The following FAM234B variants were observed in gnomAD, a reference collection of about 807,000 sequenced individuals.
FAM234B encodes protein FAM234B.
A neutral mutation model predicts 69.3 loss-of-function variants in FAM234B; 33 were observed. The ratio of observed to expected loss-of-function variants is 0.48; its 90% confidence interval spans 0.36 to 0.64. The LOEUF (loss-of-function observed/expected upper bound fraction) is 0.64. Among genes scored for constraint, FAM234B ranks in the 30% least tolerant of loss-of-function variants. FAM234B has a pLI of 0.00. For missense variants in FAM234B, 697 were observed against 769.7 expected (o/e 0.91, Z 1.12); for synonymous variants, 306 against 306.9 (o/e 1.00, Z 0.03).
rs898809275 is a variant in FAM234B at position 13,082,052 on chromosome 12, G to C, written c.*1422G>C. ...CGGCTCACTGCAACCTTCGCCTCCT[G>C]GGTTCAAGCGATTCTCCAGCCTTAG... On this transcript the variant is annotated 3_prime_UTR_variant, in exon 13 of 13. Coordinates refer to ENST00000197268, the MANE Select transcript of FAM234B (RefSeq NM_020853.2). The C allele has an allele frequency of 6.7e-6, 1 of 150,362 alleles. No individual in the cohort carries two copies. Among genetic ancestry groups the C allele is most frequent in the Non-Finnish European group, 1.5e-5 (1 of 67,882 alleles). The allele number at this position is 150,362 out of a possible 1,614,324, so 9.3% of individuals were successfully genotyped here.
chr12:13,073,395 A>G (rs1865128901), intron 10 of FAM234B, among the ~76,000 whole-genome samples: 1 of 152,144 alleles, frequency 6.6e-6, no homozygotes, highest in African/African-American at 2.4e-5. Context: ...TTTGTTTTAT[A>G]ATTGATGATT....
chr12:13,054,195 A>G (rs1053436498), intron 1 of FAM234B, among the ~76,000 whole-genome samples: 2 of 152,256 alleles, frequency 1.3e-5, no homozygotes, highest in African/African-American at 4.8e-5. Context: ...AGATTAAAGT[A>G]AAGACAGGCA....
At chr12:13,062,642 G>T (rs1423239271) in intron 4 of FAM234B, 4 of 476,906 alleles carry the variant, frequency 8.4e-6, no homozygotes, top group Non-Finnish European at 1.5e-5. Flanking sequence ...GCATGGATTT[G>T]TTTGCCAGAT....
intron 1 of FAM234B, among the ~76,000 whole-genome samples, chr12:13,054,358 G>A (rs1050560234): frequency 2.6e-5 from 4 of 152,184 alleles, no homozygotes; most frequent in African/African-American, 7.2e-5. Context: ...CACAATTTAT[G>A]TTCTTCTGCC....
At chr12:13,079,635 C>T (rs376036923) in intron 11 of FAM234B, among the ~76,000 whole-genome samples, 154 bp from the exon 12 acceptor site, 3 of 152,190 alleles carry the variant, frequency 2.0e-5, no homozygotes, top group Non-Finnish European at 4.4e-5. Context: ...TCTTTGCACC[C>T]GTGGGCTAGC....
chr12:13,074,277 AG>A (rs1865138802), intron 10 of FAM234B, among the ~76,000 whole-genome samples: 2 of 152,228 alleles, frequency 1.3e-5, no homozygotes, highest in South Asian at 4.1e-4. Flanking sequence ...ATAAGTCTCA[AG>A]TGTAGTCTTC....
At position 13,067,161 on chromosome 12, in the gene FAM234B, T is replaced by C. The variant is rs771846702; in HGVS notation, c.1007T>C (p.Ile336Thr). 6.2e-6 allele frequency: 10 copies of C among 1,614,020 alleles called. No homozygotes were observed. In the South Asian group the frequency reaches 6.6e-5, roughly 11 times the overall value. ...AVYILFGFGN[I>T]QAVALRDIFV... ...GGTTCTTCTGTGGTGCTAGGAAATATACAAGCTGTCGCACTGCGGGACATT... is the reference window on the plus strand; with the variant it reads ...GGTTCTTCTGTGGTGCTAGGAAATACACAAGCTGTCGCACTGCGGGACATT... The change falls in exon 7 of 13, where the codon ATA becomes ACA. Residue 336 changes from isoleucine to threonine, a missense_variant. Ile to Thr is a moderately conservative substitution (Grantham distance 89). This residue lies in a region of FAM234B where 380 missense variants were observed against 447.1 expected (regional missense o/e 0.85). Transcript: ENST00000197268. The surrounding 1 kb of genome is among the most constrained non-coding windows in gnomAD (Gnocchi z 4.7).
chr12:13,068,281 C>A, intron 7 of FAM234B, 23 bp from the exon 8 acceptor site: 1 of 1,613,750 alleles, frequency 6.2e-7, no homozygotes, highest in Non-Finnish European at 8.5e-7. Context: ...AGAGACTAAC[C>A]GTTGGGGTCT....
rs1284588392 is a variant in FAM234B at position 13,083,049 on chromosome 12, A to G, written c.*2419A>G. On this transcript the variant is annotated 3_prime_UTR_variant, in exon 13 of 13. Transcript: ENST00000197268. ...GGTGGCTGAAAATTGAGGAAGCTTC[A>G]TCTGACCAATGTGGGTGCTGGTTTC... 6.6e-6 allele frequency: 1 copy of G among 152,140 alleles called. No homozygotes were observed. The highest frequency in any genetic ancestry group is 1.5e-5 in the Non-Finnish European group (1 of 68,036). 9.4% of individuals were successfully genotyped at this position (152,140 alleles called of 1,614,324 possible).
intron 11 of FAM234B, among the ~76,000 whole-genome samples, chr12:13,077,831 C>A (rs1865178910): frequency 6.6e-6 from 1 of 152,024 alleles, no homozygotes; most frequent in Non-Finnish European, 1.5e-5. Flanking sequence ...GTTCTAGATC[C>A]CTGAGGAATC....
chr12:13,057,188 G>A (rs1441920653), intron 2 of FAM234B, among the ~76,000 whole-genome samples: 1 of 152,052 alleles, frequency 6.6e-6, no homozygotes. Context: ...ATTTTGGCCA[G>A]GCTGATCTTG....
chr12:13,074,925 T>G (rs1003486788), intron 10 of FAM234B, among the ~76,000 whole-genome samples: 14 of 152,184 alleles, frequency 9.2e-5, no homozygotes, highest in Non-Finnish European at 1.5e-5. Context: ...AGGCCCAAGG[T>G]AGTCCCAGGG....
intron 9 of FAM234B, among the ~76,000 whole-genome samples, chr12:13,070,430 T>A (rs1049872055): frequency 6.6e-6 from 1 of 151,928 alleles, no homozygotes; most frequent in African/African-American, 2.4e-5. Flanking sequence ...CCTGGAAGAA[T>A]AGGGCAAGCG....
At chr12:13,045,761 T>G (rs886384958) in intron 1 of FAM234B, among the ~76,000 whole-genome samples, 5 of 152,174 alleles carry the variant, frequency 3.3e-5, no homozygotes, top group Non-Finnish European at 5.9e-5. Flanking sequence ...CTTTTTTACT[T>G]TGTATATCCT....
chr12:13,079,652 C>T, intron 11 of FAM234B, 137 bp from the exon 12 acceptor site: 1 of 609,524 alleles, frequency 1.6e-6, no homozygotes, highest in Non-Finnish European at 2.9e-6. Context: ...TAGCTCACTG[C>T]CTTCTGTTTA....
Position 13,083,194 on chromosome 12 carries a change from A to G in FAM234B, c.*2564A>G, listed in dbSNP as rs1467886537. ...TCCTGAGGTTGCCGGCAAAGCCAAT[A>G]TGACCACTACTGAGAAATAGTAATG... is the stretch of plus-strand genomic sequence containing the variant. On this transcript the variant is annotated 3_prime_UTR_variant, in exon 13 of 13. Coordinates refer to ENST00000197268, the MANE Select transcript of FAM234B (RefSeq NM_020853.2). The G allele has an allele frequency of 6.6e-6, 1 of 152,462 alleles. No homozygotes were observed. Among genetic ancestry groups the G allele is most frequent in the Admixed American group, 6.6e-5 (1 of 15,262 alleles). 9.4% of individuals were successfully genotyped at this position (152,462 alleles called of 1,614,324 possible). A position where few individuals can be genotyped will look rare whatever the true frequency, so the allele number is the denominator to read the frequency against.
rs1314881018 is a variant in FAM234B, at chr12:13,082,422, A to G, written c.*1792A>G. On this transcript the variant is annotated 3_prime_UTR_variant, in exon 13 of 13. Coordinates refer to ENST00000197268, the MANE Select transcript of FAM234B (RefSeq NM_020853.2). The stretch of plus-strand genomic sequence containing the variant: ...AGCATGCATGTTGCCTGGCCTGTAG[A>G]TTGGCCTTATCAGGTTTCTGGGTGC... 2 of 152,208 alleles carry G rather than the reference A, an allele frequency of 1.3e-5. No homozygotes were observed. The highest frequency in any genetic ancestry group is 2.9e-5 in the Non-Finnish European group (2 of 68,036). The allele number at this position is 152,208 out of a possible 1,614,324, so 9.4% of individuals were successfully genotyped here.
chr12:13,052,086 A>G (rs986995503), intron 1 of FAM234B, among the ~76,000 whole-genome samples: 1 of 152,198 alleles, frequency 6.6e-6, no homozygotes, highest in Non-Finnish European at 1.5e-5. Context: ...ATACCATATC[A>G]TATGTCTCTT....
At chr12:13,073,668 TAA>T (rs35483365) in intron 10 of FAM234B, among the ~76,000 whole-genome samples, 107,085 of 151,444 alleles carry the variant, frequency 0.71, 39,724 homozygotes, top group Non-Finnish European at 0.85. Context: ...TGTCTGCAGC[TAA>T]TATGGGCCAA....
Sources: allele counts gnomAD v4.1 joint callset (sites outside exome capture counted in the v4.1 genomes callset), GRCh38; gene constraint gnomAD v4.1.1; regional missense constraint gnomAD v4.1.1; non-coding constraint Gnocchi (gnomAD v3.1); transcripts MANE v1.5; gene names NCBI Gene and HGNC (gene_info 2026-07-23, HGNC 2026-07-21).